Variants in IKZF1 observed in about 807,000 individuals in gnomAD.
IKZF1 encodes DNA-binding protein Ikaros.
In IKZF1, 10 loss-of-function variants were observed where a neutral mutation model predicts 51.7. The ratio of observed to expected loss-of-function variants is 0.19; its 90% CI spans 0.12 to 0.33. IKZF1 has a LOEUF of 0.33. Among genes scored for constraint, IKZF1 ranks in the 10% least tolerant of loss-of-function variants. The probability of loss-of-function intolerance (pLI) is 1.00; values close to 1 mark genes in which losing one functional copy is unlikely to be tolerated. For missense variants in IKZF1, 484 were observed against 707.5 expected, an observed-to-expected ratio of 0.68 and a Z score of 3.58; for synonymous variants, 280 against 282.3, an observed-to-expected ratio of 0.99 and a Z score of 0.08.
intron 4 of IKZF1, chr7:50,377,273 G>A (rs1332363813): frequency 6.4e-6 from 1 of 155,396 alleles, no homozygotes; most frequent in Non-Finnish European, 1.4e-5. Flanking sequence ...TGATGGAATA[G>A]CAGCAAAATC....
chr7:50,333,404 A>G (rs1796851987), intron 3 of IKZF1, among the ~76,000 whole-genome samples: 12 of 152,226 alleles, frequency 7.9e-5, no homozygotes, highest in Admixed American at 6.5e-4. Flanking sequence ...TGCTGGGGAC[A>G]GCTTTCACCA....
rs557261145 is a variant in IKZF1 at position 50,309,360 on chromosome 7, TG to T, written c.-15+4440del. On this transcript the variant is annotated intron_variant, in intron 1 of 7. Transcript: ENST00000331340. ...TGCAGTAAAAAGAGGGGATCCAATG[TG>T]GTCTTGTCTGTCTGGTCTTCCTTTC... 1.6e-3 allele frequency among the ~76,000 whole-genome samples: 250 copies of T among 152,284 alleles called. 2 individuals carry two copies. Among genetic ancestry groups the T allele is most frequent in the African/African-American group, 5.8e-3 (240 of 41,544 alleles).
chr7:50,385,883 C>G (rs1813245905), intron 5 of IKZF1, among the ~76,000 whole-genome samples: 1 of 152,166 alleles, frequency 6.6e-6, no homozygotes, highest in Non-Finnish European at 1.5e-5. Flanking sequence ...AAAGAAAGAT[C>G]CTTTTCATTC....
chr7:50,314,127 C>A (rs60111875), intron 1 of IKZF1, among the ~76,000 whole-genome samples: 1 of 151,772 alleles, frequency 6.6e-6, no homozygotes, highest in East Asian at 1.9e-4. Flanking sequence ...TTTCTTTTTT[C>A]TTTTTTTTCA....
Position 50,400,104 on chromosome 7 carries a change from C to T in IKZF1, c.1037C>T (p.Pro346Leu). 6.4e-7 allele frequency: 1 copy of T among 1,563,770 alleles called. No homozygotes were observed. Among genetic ancestry groups the T allele is most frequent in the South Asian group, 1.2e-5 (1 of 85,388 alleles). Reference sequence around the variant, plus strand: ...TCCGAGGTGGTCCCGGTCATCAGCCCGATGTACCAGCTGCACAAGCCGCTC... The same window carrying T: ...TCCGAGGTGGTCCCGGTCATCAGCCTGATGTACCAGCTGCACAAGCCGCTC... ...GGSEVVPVIS[P>L]MYQLHKPLAE... The change falls in exon 8 of 8, where the codon CCG (proline) becomes CTG (leucine). Residue 346 changes from proline (P) to leucine (L), a missense_variant. Around this residue, in one of 6 missense-constraint regions of IKZF1, gnomAD observed 172 missense variants for 192.7 expected, o/e 0.89. Coordinates refer to ENST00000331340, the MANE Select transcript of IKZF1 (RefSeq NM_006060.6). This position sits in a 1 kb window ranked among gnomAD's most constrained non-coding sequence, Gnocchi z 5.4.
chr7:50,322,607 T>A (rs998855670), intron 2 of IKZF1, among the ~76,000 whole-genome samples: 4 of 152,366 alleles, frequency 2.6e-5, no homozygotes, highest in African/African-American at 9.6e-5. Context: ...AGGGCACGTC[T>A]CACTAATTCT....
intron 2 of IKZF1, among the ~76,000 whole-genome samples, chr7:50,326,344 C>T (rs1167979656): frequency 6.6e-6 from 1 of 152,242 alleles, no homozygotes; most frequent in African/African-American, 2.4e-5. Context: ...TCAGCAGGCA[C>T]ACTCTCCCAG....
chr7:50,358,613 T>C (rs533383150), intron 3 of IKZF1, among the ~76,000 whole-genome samples: 4 of 152,360 alleles, frequency 2.6e-5, no homozygotes, highest in Admixed American at 6.5e-5. Context: ...AGAGGCCGTC[T>C]GTAAACACCT....
At chr7:50,382,411 C>T (rs545246490) in intron 4 of IKZF1, 129 bp from the exon 5 acceptor site, 4 of 1,340,938 alleles carry the variant, frequency 3.0e-6, no homozygotes, top group Admixed American at 2.9e-5. Context: ...GTCTGAAAGC[C>T]TCATGTTCTA....
At chr7:50,314,100 C>CA (rs1268182040) in intron 1 of IKZF1, among the ~76,000 whole-genome samples, 1 of 152,152 alleles carries the variant, frequency 6.6e-6, no homozygotes, top group Non-Finnish European at 1.5e-5. Context: ...GTTTAAGTCT[C>CA]AGAGACCTAT....
intron 3 of IKZF1, among the ~76,000 whole-genome samples, chr7:50,335,374 T>A (rs1797436250): frequency 6.7e-6 from 1 of 149,546 alleles, no homozygotes; most frequent in Non-Finnish European, 1.5e-5. Context: ...ATGTGTGGTG[T>A]GTGGTGTGTA....
At chr7:50,319,306 T>C (rs1792471962) in intron 2 of IKZF1, among the ~76,000 whole-genome samples, 1 of 152,148 alleles carries the variant, frequency 6.6e-6, no homozygotes, top group African/African-American at 2.4e-5. Flanking sequence ...CAAGATGAAA[T>C]TAGTTTTACT....
chr7:50,361,908 A>G (rs1432094443), intron 3 of IKZF1, among the ~76,000 whole-genome samples: 2 of 152,070 alleles, frequency 1.3e-5, no homozygotes, highest in African/African-American at 2.4e-5. Flanking sequence ...CCATAAAAGA[A>G]CCATCATTTT....
In IKZF1 at chr7:50,320,025, A is replaced by C. The variant is rs530414444; in HGVS notation, c.40+924A>C. On this transcript the variant is annotated intron_variant, in intron 2 of 7. Transcript: ENST00000331340. ...CTGAGTTCCATGGAACTGGAGATAGATCTGCCAATCACAGGCTTCCTTCTC... is the reference window on the plus strand; with the variant it reads ...CTGAGTTCCATGGAACTGGAGATAGCTCTGCCAATCACAGGCTTCCTTCTC... 3.3e-5 allele frequency among the ~76,000 whole-genome samples: 5 copies of C among 152,186 alleles called. 1 individual carries two copies. In the South Asian group the frequency reaches 1.0e-3, roughly 32 times the overall value.
At chr7:50,340,480 G>A (rs1355035876) in intron 3 of IKZF1, among the ~76,000 whole-genome samples, 8 of 152,258 alleles carry the variant, frequency 5.3e-5, no homozygotes, top group African/African-American at 1.7e-4. Context: ...CTGCTGCATG[G>A]CAGAGCCCAG....
chr7:50,394,606 A>T (rs910684396), intron 7 of IKZF1, among the ~76,000 whole-genome samples: 10 of 152,152 alleles, frequency 6.6e-5, no homozygotes, highest in Admixed American at 6.5e-4. Context: ...TCCCAGAGCT[A>T]TTCTGAGGCT....
upstream of IKZF1, chr7:50,304,105 G>GCGC (rs1176567005): frequency 6.8e-6 from 1 of 146,058 alleles, no homozygotes; most frequent in African/African-American, 2.5e-5. Flanking sequence ...GCCGGCGGCG[G>GCGC]CGCCAGCAGG....
At chr7:50,358,037 G>T (rs1462505019) in intron 3 of IKZF1, among the ~76,000 whole-genome samples, 1 of 152,180 alleles carries the variant, frequency 6.6e-6, no homozygotes. Context: ...GCAAGCCCCT[G>T]GAGTCACATG....
At chr7:50,394,622 G>A (rs1313132559) in intron 7 of IKZF1, among the ~76,000 whole-genome samples, 1 of 152,182 alleles carries the variant, frequency 6.6e-6, no homozygotes, top group Non-Finnish European at 1.5e-5. Flanking sequence ...AGGCTCAGAA[G>A]GGGTGATGGA....
Sources: allele counts gnomAD v4.1 joint callset (sites outside exome capture counted in the v4.1 genomes callset), GRCh38; gene constraint gnomAD v4.1.1; regional missense constraint gnomAD v4.1.1; non-coding constraint Gnocchi (gnomAD v3.1); transcripts MANE v1.5; gene names NCBI Gene and HGNC (gene_info 2026-07-23, HGNC 2026-07-21).